The following UGT1A4 variants were observed in gnomAD, a reference collection of about 807,000 sequenced individuals.
UGT1A4 encodes UDP glucuronosyltransferase family 1 member A4.
A neutral mutation model predicts 41.1 loss-of-function variants in UGT1A4; 32 were observed. The ratio of observed to expected loss-of-function variants is 0.78; its 90% CI spans 0.59 to 1.05. The LOEUF is 1.05. Ranked by LOEUF, UGT1A4 falls within the 50% of genes least tolerant of loss-of-function variation. UGT1A4 has a pLI of 0.00. For synonymous variants in UGT1A4, 283 were observed against 265.1 expected (o/e 1.07, Z -0.66); for missense variants, 748 against 677.4 (o/e 1.10, Z -1.16).
chr2:233,742,329 G>T (rs1030248524), intron 1 of UGT1A4, among the ~76,000 whole-genome samples: 2 of 151,942 alleles, frequency 1.3e-5, no homozygotes, highest in Non-Finnish European at 2.9e-5. Context: ...GGGAAACAAA[G>T]GGATGGGCTC....
intron 1 of UGT1A4, among the ~76,000 whole-genome samples, chr2:233,758,923 C>T (rs1697018666): frequency 6.6e-6 from 1 of 152,192 alleles, no homozygotes; most frequent in Non-Finnish European, 1.5e-5. Context: ...TCATCTTTCC[C>T]TTTTGACTTC....
chr2:233,767,725 G>T (rs930138004), intron 2 of UGT1A4, 124 bp from the exon 3 acceptor site: 2 of 1,552,620 alleles, frequency 1.3e-6, no homozygotes, highest in South Asian at 1.2e-5. Flanking sequence ...CACAGTTACT[G>T]ATCCTCCCAC....
intron 1 of UGT1A4, among the ~76,000 whole-genome samples, chr2:233,749,776 T>C (rs995320818): frequency 2.6e-5 from 4 of 151,902 alleles, no homozygotes; most frequent in African/African-American, 9.7e-5. Flanking sequence ...CTGATGGTTT[T>C]ATAAGGGGCC....
chr2:233,739,889 C>G (rs1358734897), intron 1 of UGT1A4, among the ~76,000 whole-genome samples: 1 of 151,866 alleles, frequency 6.6e-6, no homozygotes, highest in African/African-American at 2.4e-5. Context: ...GTGTTTCCAC[C>G]CAAATCTCAT....
At chr2:233,736,410 T>C (rs1179819701) in intron 1 of UGT1A4, among the ~76,000 whole-genome samples, 1 of 152,232 alleles carries the variant, frequency 6.6e-6, no homozygotes, top group Non-Finnish European at 1.5e-5. Flanking sequence ...TAGGCATTCA[T>C]CTAACCTTTT....
At chr2:233,729,184 C>T (rs1420145173) in intron 1 of UGT1A4, 1 of 1,613,974 alleles carries the variant, frequency 6.2e-7, no homozygotes, top group East Asian at 2.2e-5. Context: ...GCTGCTTCTC[C>T]TCAGTGTCCA....
At chr2:233,754,206 T>C (rs1220915682) in intron 1 of UGT1A4, 1 of 163,280 alleles carries the variant, frequency 6.1e-6, no homozygotes, top group Admixed American at 5.7e-5. Context: ...AACATTGAAG[T>C]CAAATGATTT....
rs1476500325 is a variant in UGT1A4 at position 233,772,338 on chromosome 2, T to C, written c.1384T>C (p.Trp462Arg). ...PVEPLDLAVF[W>R]VEFVMRHKGA... ...GGAGCCGCTGGACCTGGCCGTGTTC[T>C]GGGTGGAGTTTGTGATGAGGCACAA... Residue 462 changes from tryptophan (W) to arginine (R), a missense_variant, in exon 5 of 5, where the codon TGG becomes CGG. Trp to Arg is a moderately radical substitution (Grantham distance 101). Coordinates refer to ENST00000373409, the MANE Select transcript of UGT1A4 (RefSeq NM_007120.3). 3.1e-6 allele frequency: 5 copies of C among 1,614,136 alleles called. No individual in the cohort carries two copies. The highest frequency in any genetic ancestry group is 4.2e-6 in the Non-Finnish European group (5 of 1,180,052).
intron 1 of UGT1A4, among the ~76,000 whole-genome samples, chr2:233,723,671 C>T (rs2077112906): frequency 1.0e-5 from 1 of 95,612 alleles, no homozygotes; most frequent in Non-Finnish European, 1.9e-5. Flanking sequence ...GGCAGAGGAC[C>T]CTGCGGCCTT....
chr2:233,719,883 T>G (rs871514), intron 1 of UGT1A4, among the ~76,000 whole-genome samples, 196 bp downstream of exon 1: 1 of 151,918 alleles, frequency 6.6e-6, no homozygotes, highest in Non-Finnish European at 1.5e-5. Context: ...GAGGCACGGA[T>G]GAGGGTCTGT....
intron 1 of UGT1A4, chr2:233,752,635 T>C (rs1695024610): frequency 6.6e-6 from 1 of 152,222 alleles, no homozygotes; most frequent in Admixed American, 6.5e-5. Flanking sequence ...AGCTGTTGTC[T>C]TAGTTACTGG....
At position 233,718,944 on chromosome 2, in the gene UGT1A4, C is replaced by T. The variant is rs553189135; in HGVS notation, c.124C>T (p.Leu42Phe). The T allele has an allele frequency of 6.2e-7, 1 of 1,614,060 alleles. No homozygotes were observed. The highest frequency in any genetic ancestry group is 1.3e-5 in the African/African-American group (1 of 74,938). Residue 42 changes from leucine to phenylalanine, a missense_variant, in exon 1 of 5, where the codon CTC (leucine) becomes TTC (phenylalanine). Leu to Phe is a conservative substitution (Grantham distance 22, BLOSUM62 0). Transcript: ENST00000373409. ...GGTGCCCACTGATGGCAGCCCCTGGCTCAGCATGCGGGAGGCCTTGCGGGA... is the reference window on the plus strand; with the variant it reads ...GGTGCCCACTGATGGCAGCCCCTGGTTCAGCATGCGGGAGGCCTTGCGGGA... ...LVVPTDGSPW[L>F]SMREALRELH... is the part of the protein sequence containing the mutation.
intron 2 of UGT1A4, among the ~76,000 whole-genome samples, chr2:233,767,609 C>G (rs1559414231): frequency 6.6e-6 from 1 of 152,118 alleles, no homozygotes; most frequent in Admixed American, 6.6e-5. Flanking sequence ...TGAAAAAATC[C>G]TAAGTGCACA....
intron 1 of UGT1A4, among the ~76,000 whole-genome samples, chr2:233,730,722 G>C (rs2078066355): frequency 6.6e-6 from 1 of 152,104 alleles, no homozygotes; most frequent in Admixed American, 6.6e-5. Flanking sequence ...AAATTATCAA[G>C]AAATGGCGGA....
rs1700557066 is a variant in UGT1A4 at position 233,772,919 on chromosome 2, C to A, written c.*360C>A. On this transcript the variant is annotated 3_prime_UTR_variant, in exon 5 of 5. Coordinates refer to ENST00000373409, the MANE Select transcript of UGT1A4 (RefSeq NM_007120.3). Reference sequence around the variant, plus strand: ...CCACGGCTGCCCCTACTGCAAATGGCAGTTTTAATCTTATCTTTTGGCTTC... The same window carrying A: ...CCACGGCTGCCCCTACTGCAAATGGAAGTTTTAATCTTATCTTTTGGCTTC... 1 of 369,168 alleles carries A rather than the reference C, an allele frequency of 2.7e-6. No homozygotes were observed. Among genetic ancestry groups the A allele is most frequent in the Non-Finnish European group, 4.8e-6 (1 of 207,048 alleles). 22.9% of individuals were successfully genotyped at this position (369,168 alleles called of 1,614,324 possible).
intron 1 of UGT1A4, among the ~76,000 whole-genome samples, chr2:233,728,304 C>A (rs2077697138): frequency 1.3e-5 from 2 of 152,312 alleles, no homozygotes; most frequent in African/African-American, 4.8e-5. Context: ...TCAGACTGTG[C>A]AAGATCTGAG....
In UGT1A4 at chr2:233,772,667, T is replaced by A; in HGVS notation, c.*108T>A. 1 of 1,538,078 alleles carries A rather than the reference T, an allele frequency of 6.5e-7. No individual in the cohort carries two copies. Among genetic ancestry groups the A allele is most frequent in the East Asian group, 2.4e-5 (1 of 40,984 alleles). Reference sequence around the variant, plus strand: ...TTTTATTCTTATTAAGGAAATACTTTGCATAAATTAATCAGCCCCAGAGTG... The same window carrying A: ...TTTTATTCTTATTAAGGAAATACTTAGCATAAATTAATCAGCCCCAGAGTG... On this transcript the variant is annotated 3_prime_UTR_variant, in exon 5 of 5. Coordinates refer to ENST00000373409, the MANE Select transcript of UGT1A4 (RefSeq NM_007120.3).
chr2:233,756,209 T>A (rs1696149779), intron 1 of UGT1A4: 1 of 152,246 alleles, frequency 6.6e-6, no homozygotes. Flanking sequence ...TCCCTGGTAT[T>A]CTGAAGGGAT....
chr2:233,729,822 A>G, intron 1 of UGT1A4: 1 of 1,613,914 alleles, frequency 6.2e-7, no homozygotes, highest in Non-Finnish European at 8.5e-7. Flanking sequence ...CTCCTTATGC[A>G]AGCCTTGCCT....
Sources: allele counts gnomAD v4.1 joint callset (sites outside exome capture counted in the v4.1 genomes callset), GRCh38; gene constraint gnomAD v4.1.1; transcripts MANE v1.5; gene names NCBI Gene and HGNC (gene_info 2026-07-23, HGNC 2026-07-21).